The following FAF1 variants were observed in gnomAD, a reference collection of about 807,000 sequenced individuals.
FAF1 encodes FAS-associated factor 1.
Under a neutral mutation model 92.5 loss-of-function variants are expected in FAF1, and 25 were observed. That is an observed-to-expected ratio of 0.27 (90% CI 0.20 to 0.38). The LOEUF (loss-of-function observed/expected upper bound fraction) is 0.38, where lower values mean the gene tolerates loss of function less well. Among genes scored for constraint, FAF1 ranks in the 10% least tolerant of loss-of-function variants. The pLI is 1.00. For missense variants in FAF1, 636 were observed against 793.3 expected, an observed-to-expected ratio of 0.80 and a Z score of 2.38; for synonymous variants, 234 against 273.2, an observed-to-expected ratio of 0.86 and a Z score of 1.42.
chr1:50,866,571 G>T (rs1644483369), intron 1 of FAF1, among the ~76,000 whole-genome samples: 1 of 151,844 alleles, frequency 6.6e-6, no homozygotes, highest in Admixed American at 6.6e-5. Flanking sequence ...ATCAAACCGA[G>T]AACTCAACCC....
chr1:50,548,719 G>A (rs529598172), intron 13 of FAF1, among the ~76,000 whole-genome samples: 1 of 152,174 alleles, frequency 6.6e-6, no homozygotes, highest in African/African-American at 2.4e-5. Flanking sequence ...ATTTCATCCT[G>A]TCACCACCCA....
intron 1 of FAF1, among the ~76,000 whole-genome samples, chr1:50,939,301 T>C (rs575439871): frequency 1.3e-5 from 2 of 152,342 alleles, no homozygotes; most frequent in South Asian, 2.1e-4. Context: ...ACTGTATTCA[T>C]AGGTATTTCA....
intron 15 of FAF1, among the ~76,000 whole-genome samples, chr1:50,506,746 T>C (rs1647063941): frequency 6.6e-6 from 1 of 152,116 alleles, no homozygotes. Context: ...TATTATCTTA[T>C]TTAATCCTCA....
At chr1:50,864,016 C>G (rs1309860297) in intron 1 of FAF1, among the ~76,000 whole-genome samples, 25 of 151,504 alleles carry the variant, frequency 1.7e-4, no homozygotes, top group East Asian at 3.9e-4. Context: ...ATTCTCTGAT[C>G]GTAGTTTGTA....
chr1:50,490,454 AGGAAGGAAAAAG>A (rs1646821959), intron 17 of FAF1, 122 bp downstream of exon 17: 11 of 323,040 alleles, frequency 3.4e-5, no homozygotes, highest in African/African-American at 2.8e-4. Context: ...GAAGGAAGGA[AGGAAGGAAAAAG>A]AAAGAAGGAA....
At chr1:50,589,111 C>CTT (rs1651382874) in intron 9 of FAF1, among the ~76,000 whole-genome samples, 1 of 152,150 alleles carries the variant, frequency 6.6e-6, no homozygotes, top group African/African-American at 2.4e-5. Flanking sequence ...TACTTATAGA[C>CTT]ATAAAACTGT....
chr1:50,504,298 T>C (rs190112912), intron 15 of FAF1, among the ~76,000 whole-genome samples: 18 of 152,014 alleles, frequency 1.2e-4, no homozygotes, highest in African/African-American at 4.1e-4. Flanking sequence ...TACAGTGGAT[T>C]AAGCAATACC....
intron 13 of FAF1, among the ~76,000 whole-genome samples, chr1:50,553,011 G>A (rs1312652361): frequency 2.0e-5 from 3 of 152,148 alleles, no homozygotes; most frequent in Non-Finnish European, 4.4e-5. Flanking sequence ...GTGAACAGGC[G>A]GGTCTAACAA....
intron 15 of FAF1, among the ~76,000 whole-genome samples, chr1:50,497,833 C>T (rs928583757): frequency 5.9e-5 from 9 of 151,954 alleles, no homozygotes; most frequent in African/African-American, 2.2e-4. Flanking sequence ...CAGGTGTGTG[C>T]CACCGCGCCC....
At chr1:50,454,034 A>G (rs1436869305) in intron 18 of FAF1, among the ~76,000 whole-genome samples, 2 of 152,234 alleles carry the variant, frequency 1.3e-5, no homozygotes, top group African/African-American at 4.8e-5. Flanking sequence ...TGTCTGGTGT[A>G]CCACCTTATG....
At chr1:50,519,040 T>C (rs1392947780) in intron 15 of FAF1, among the ~76,000 whole-genome samples, 2 of 152,022 alleles carry the variant, frequency 1.3e-5, no homozygotes, top group Non-Finnish European at 2.9e-5. Context: ...TCTATTAAAA[T>C]AGTTTTCACG....
At chr1:50,698,398 T>C (rs1173756073) in intron 7 of FAF1, among the ~76,000 whole-genome samples, 4 of 152,164 alleles carry the variant, frequency 2.6e-5, no homozygotes, top group Non-Finnish European at 4.4e-5. Context: ...CTCTTCTTCA[T>C]GCATGAGGAG....
chr1:50,851,956 G>C (rs1034830303), intron 2 of FAF1, among the ~76,000 whole-genome samples: 3 of 152,026 alleles, frequency 2.0e-5, no homozygotes, highest in Admixed American at 6.6e-5. Context: ...TAGTTTAGCA[G>C]TGTTTTATCA....
intron 2 of FAF1, among the ~76,000 whole-genome samples, 173 bp downstream of exon 2, chr1:50,857,756 A>T (rs1236762379): frequency 6.6e-6 from 1 of 151,906 alleles, no homozygotes; most frequent in East Asian, 1.9e-4. Flanking sequence ...TAATAACTTA[A>T]TACTGAGCTA....
chr1:50,829,172 G>A (rs532549814), intron 2 of FAF1, among the ~76,000 whole-genome samples: 10 of 152,264 alleles, frequency 6.6e-5, no homozygotes, highest in Middle Eastern at 6.8e-3. Context: ...CCAGTAGAGA[G>A]TAGGAGATAG....
At chr1:50,525,168 G>T (rs1350062476) in intron 15 of FAF1, among the ~76,000 whole-genome samples, 2 of 152,206 alleles carry the variant, frequency 1.3e-5, no homozygotes, top group Non-Finnish European at 2.9e-5. Context: ...TTACAGGCGT[G>T]AGCCACTGTG....
At chr1:50,698,940 G>A (rs771999790) in intron 7 of FAF1, among the ~76,000 whole-genome samples, 16 of 151,980 alleles carry the variant, frequency 1.1e-4, no homozygotes, top group Non-Finnish European at 2.2e-4. Context: ...GCTTATTGAT[G>A]CAATATGCCT....
chr1:50,913,101 TAC>T (rs1171401196), intron 1 of FAF1, among the ~76,000 whole-genome samples: 1 of 152,234 alleles, frequency 6.6e-6, no homozygotes, highest in Non-Finnish European at 1.5e-5. Context: ...TAGCACTTAC[TAC>T]ACAGTTTTAT....
chr1:50,704,978 T>G (rs1200237586), intron 7 of FAF1, among the ~76,000 whole-genome samples: 6 of 152,184 alleles, frequency 3.9e-5, no homozygotes, highest in Non-Finnish European at 8.8e-5. Flanking sequence ...AAGAAAAACA[T>G]TATAAAATAA....
Sources: allele counts gnomAD v4.1 joint callset (sites outside exome capture counted in the v4.1 genomes callset), GRCh38; gene constraint gnomAD v4.1.1; transcripts MANE v1.5; gene names NCBI Gene and HGNC (gene_info 2026-07-23, HGNC 2026-07-21).